Variants in MINPP1 observed in about 807,000 individuals in gnomAD.
The protein encoded by MINPP1 is multiple inositol-polyphosphate phosphatase 1.
In MINPP1, 28 loss-of-function variants were observed where a neutral mutation model predicts 46.1. That is an observed-to-expected ratio of 0.61 (90% CI 0.45 to 0.83). The LOEUF is 0.83. MINPP1 is among the 40% of genes least tolerant of loss of function. The pLI is 0.00. For synonymous variants in MINPP1, 268 were observed against 249.1 expected, an observed-to-expected ratio of 1.08 and a Z score of -0.72; for missense variants, 603 against 610.0, an observed-to-expected ratio of 0.99 and a Z score of 0.12.
chr10:87,548,763 T>C (rs1190666319), intron 4 of MINPP1, among the ~76,000 whole-genome samples: 1 of 152,124 alleles, frequency 6.6e-6, no homozygotes, highest in Non-Finnish European at 1.5e-5. Context: ...TTTTTTAAAC[T>C]ATTACCCTTG....
Position 87,540,006 on chromosome 10 carries a change from A to G in MINPP1, c.1068-12076A>G, listed in dbSNP as rs571217757. ...CTCAGCCTCCCAAGTAGCTGGGACTACAGGCATGCGCCACAGCGCCTGGCT... is the reference window on the plus strand; with the variant it reads ...CTCAGCCTCCCAAGTAGCTGGGACTGCAGGCATGCGCCACAGCGCCTGGCT... On this transcript the variant is annotated intron_variant, in intron 4 of 4. Coordinates refer to ENST00000371996, the MANE Select transcript of MINPP1 (RefSeq NM_004897.5). 4.6e-5 allele frequency among the ~76,000 whole-genome samples: 7 copies of G among 152,346 alleles called. No homozygotes were observed. In the South Asian group the frequency reaches 1.4e-3, roughly 32 times the overall value.
At chr10:87,530,356 G>T (rs1379770503) in intron 4 of MINPP1, among the ~76,000 whole-genome samples, 2 of 152,106 alleles carry the variant, frequency 1.3e-5, no homozygotes, top group African/African-American at 4.8e-5. Context: ...ATCTACCTTT[G>T]GTCTTTGATG....
At chr10:87,538,387 G>T (rs1445542077) in intron 4 of MINPP1, among the ~76,000 whole-genome samples, 1 of 152,190 alleles carries the variant, frequency 6.6e-6, no homozygotes, top group Non-Finnish European at 1.5e-5. Flanking sequence ...TGGGGCAGTT[G>T]TTGGAGTCAC....
At chr10:87,539,008 T>A (rs1851776664) in intron 4 of MINPP1, among the ~76,000 whole-genome samples, 1 of 152,164 alleles carries the variant, frequency 6.6e-6, no homozygotes, top group South Asian at 2.1e-4. Flanking sequence ...AAAGACAGGA[T>A]TTTAGACTTA....
intron 2 of MINPP1, among the ~76,000 whole-genome samples, chr10:87,511,896 A>G (rs1446540807): frequency 6.6e-6 from 1 of 152,208 alleles, no homozygotes; most frequent in African/African-American, 2.4e-5. Flanking sequence ...TTCTTTACGT[A>G]AGCAAAGTTT....
In MINPP1 at chr10:87,508,243, G is replaced by A. The variant is rs1393176869; in HGVS notation, c.638-93G>A. The A allele has an allele frequency of 5.8e-6, 9 of 1,562,828 alleles. No individual in the cohort carries two copies. The South Asian group carries it at 5.8e-5, about 10-fold the overall frequency. ...AGCTGTGCGGATTAGTAAGATGTTA[G>A]TGTTCCTTTTTCACACTTAACATTT... On this transcript the variant is annotated intron_variant, in intron 1 of 4. Transcript: ENST00000371996.
chr10:87,549,028 A>T (rs2131844976), intron 4 of MINPP1, among the ~76,000 whole-genome samples: 1 of 152,314 alleles, frequency 6.6e-6, no homozygotes, highest in East Asian at 1.9e-4. Flanking sequence ...TACTGTGAGA[A>T]TCTAATATAT....
chr10:87,544,379 T>C (rs1032092674), intron 4 of MINPP1, among the ~76,000 whole-genome samples: 13 of 152,244 alleles, frequency 8.5e-5, no homozygotes, highest in Non-Finnish European at 1.8e-4. Context: ...CTCCAAACCC[T>C]GTCCTCTTGG....
At chr10:87,520,506 C>T (rs1851485062) in intron 3 of MINPP1, among the ~76,000 whole-genome samples, 1 of 152,088 alleles carries the variant, frequency 6.6e-6, no homozygotes, top group South Asian at 2.1e-4. Context: ...ATTATTTTTT[C>T]ACCAAACAGA....
chr10:87,506,984 A>G (rs1386380176), intron 1 of MINPP1, among the ~76,000 whole-genome samples: 1 of 152,240 alleles, frequency 6.6e-6, no homozygotes, highest in East Asian at 1.9e-4. Flanking sequence ...AATTAACAGA[A>G]TGGTGAAAGC....
chr10:87,538,713 C>T (rs534814970), intron 4 of MINPP1, among the ~76,000 whole-genome samples: 44 of 152,272 alleles, frequency 2.9e-4, no homozygotes, highest in Middle Eastern at 6.8e-3. Flanking sequence ...AAGCATCTGG[C>T]AGTTCATGTT....
At chr10:87,509,756 C>T (rs1289819800) in intron 2 of MINPP1, 1 of 307,730 alleles carries the variant, frequency 3.2e-6, no homozygotes. Context: ...TTATACCAGT[C>T]CAAAATTCTA....
intron 4 of MINPP1, among the ~76,000 whole-genome samples, chr10:87,543,840 G>A (rs552512184): frequency 1.4e-4 from 22 of 152,326 alleles, no homozygotes; most frequent in Middle Eastern, 3.4e-3. Context: ...CCATTCAAGA[G>A]GGATCCATCC....
chr10:87,515,822 ATTTTTTTT>A (rs71019482), intron 3 of MINPP1, among the ~76,000 whole-genome samples: 2 of 84,108 alleles, frequency 2.4e-5, no homozygotes, highest in African/African-American at 4.5e-5. Flanking sequence ...TTTGTTAAGA[ATTTTTTTT>A]TTTTTTTTTT....
intron 4 of MINPP1, among the ~76,000 whole-genome samples, chr10:87,550,571 G>A (rs916801408): frequency 6.6e-6 from 1 of 151,756 alleles, no homozygotes; most frequent in Admixed American, 6.6e-5. Flanking sequence ...TTTCTTACAT[G>A]CTTTTCTGTA....
At chr10:87,522,600 T>G (rs1294912311) in intron 4 of MINPP1, among the ~76,000 whole-genome samples, 1 of 152,180 alleles carries the variant, frequency 6.6e-6, no homozygotes, top group Non-Finnish European at 1.5e-5. Flanking sequence ...ATACCTTAAT[T>G]TAAAAATGCT....
intron 4 of MINPP1, among the ~76,000 whole-genome samples, chr10:87,549,233 CTAGAT>C (rs1851929594): frequency 1.3e-5 from 2 of 152,172 alleles, no homozygotes; most frequent in Admixed American, 6.5e-5. Flanking sequence ...GAGTCACAGT[CTAGAT>C]TTCATTTCTT....
At chr10:87,522,620 G>C (rs1851519049) in intron 4 of MINPP1, among the ~76,000 whole-genome samples, 1 of 152,138 alleles carries the variant, frequency 6.6e-6, no homozygotes, top group Non-Finnish European at 1.5e-5. Context: ...TTTATTACTA[G>C]GAAATGCCCA....
At chr10:87,530,486 C>G (rs574960026) in intron 4 of MINPP1, among the ~76,000 whole-genome samples, 1 of 152,244 alleles carries the variant, frequency 6.6e-6, no homozygotes, top group South Asian at 2.1e-4. Flanking sequence ...CACTCCAGAC[C>G]CTGTTTGCCT....
Sources: gnomAD v4.1 joint callset for allele counts (sites outside exome capture counted in the v4.1 genomes callset) on GRCh38, gnomAD v4.1.1 for gene constraint, MANE v1.5 for transcripts, NCBI Gene and HGNC (gene_info 2026-07-23, HGNC 2026-07-21) for gene names.